Variants in RIPK4 observed in about 807,000 individuals in gnomAD.
The protein encoded by RIPK4 is receptor interacting serine/threonine kinase 4, also known as receptor-interacting serine/threonine-protein kinase 4.
In RIPK4, 17 loss-of-function variants were observed where a neutral mutation model predicts 42.9. The observed-to-expected ratio is 0.40, with a 90% CI of 0.27 to 0.59. RIPK4 has a LOEUF of 0.59. RIPK4 is among the 20% of genes least tolerant of loss of function. The pLI is 0.47. For synonymous variants in RIPK4, 498 were observed against 499.1 expected (o/e 1.00, Z 0.03); for missense variants, 897 against 1,104.4 (o/e 0.81, Z 2.66).
At chr21:41,743,160 G>T (rs1264751747) in intron 7 of RIPK4, among the ~76,000 whole-genome samples, 3 of 151,944 alleles carry the variant, frequency 2.0e-5, no homozygotes, top group Non-Finnish European at 4.4e-5. Context: ...CTGTAGCCCT[G>T]AGTGTAAATC....
rs564144682 is a variant in RIPK4 at position 41,755,807 on chromosome 21, G to C, written c.474+718C>G. Among the ~76,000 whole-genome samples the C allele has an allele frequency of 6.6e-6, 1 of 152,204 alleles. No homozygotes were observed. The highest frequency in any genetic ancestry group is 2.4e-5 in the African/African-American group (1 of 41,442). On this transcript the variant is annotated intron_variant, in intron 2 of 7. Coordinates refer to ENST00000332512, the MANE Select transcript of RIPK4 (RefSeq NM_020639.3). The surrounding 1 kb of genome is among the most constrained non-coding windows in gnomAD (Gnocchi z 4.2). ...TCAACGACAGTACAACCCTAGCCAC[G>C]AAGGCCATCAAAGGAGATACAAGGA... is the stretch of plus-strand genomic sequence containing the variant.
Position 41,741,886 on chromosome 21 carries a change from T to C in RIPK4, c.1307A>G (p.Asp436Gly). 1 of 1,613,660 alleles carries C rather than the reference T, an allele frequency of 6.2e-7. No homozygotes were observed. The highest frequency in any genetic ancestry group is 1.1e-5 in the South Asian group (1 of 91,080). Residue 436 changes from aspartate to glycine, a missense_variant, in exon 8 of 8, where the codon GAC (aspartate) becomes GGC (glycine). By Grantham distance (94) the Asp-to-Gly change is moderately conservative. Coordinates refer to ENST00000332512, the MANE Select transcript of RIPK4 (RefSeq NM_020639.3). Reference sequence around the variant, plus strand: ...CAGGTGCAGCAGGCTGGCACCGCTGTCCAGTGCCAGGTCCACGTCCTGCGG... The same window carrying C: ...CAGGTGCAGCAGGCTGGCACCGCTGCCCAGTGCCAGGTCCACGTCCTGCGG... ...LQPQDVDLAL[D>G]SGASLLHLAV...
chr21:41,745,965 C>T (rs567526579), intron 5 of RIPK4, 103 bp from the exon 6 acceptor site: 16 of 980,942 alleles, frequency 1.6e-5, no homozygotes, highest in South Asian at 3.9e-5. Context: ...ATTTCTCACA[C>T]GCCTCGGCCC....
intron 4 of RIPK4, 32 bp downstream of exon 4, chr21:41,749,122 G>A: frequency 6.2e-7 from 1 of 1,610,836 alleles, no homozygotes; most frequent in East Asian, 2.2e-5. Context: ...GGAAAGACAA[G>A]CACATTACAC....
chr21:41,740,979 C>A lies in RIPK4; in HGVS notation c.2214G>T (p.Ala738=). Reference sequence around the variant, plus strand: ...GCCGGCCCTGGGCGGCCAGGTGCAGCGCGCTGAGCCCCTGCTCGTCGAACA... The same window carrying A: ...GCCGGCCCTGGGCGGCCAGGTGCAGAGCGCTGAGCCCCTGCTCGTCGAACA... ...IDLFDEQGLS[A]LHLAAQGRHA... The change falls in exon 8 of 8, where the codon GCG becomes GCT. Residue 738 remains alanine, a synonymous_variant. Transcript: ENST00000332512. 1 of 1,610,928 alleles carries A rather than the reference C, an allele frequency of 6.2e-7. No individual in the cohort carries two copies. Among genetic ancestry groups the A allele is most frequent in the African/African-American group, 1.3e-5 (1 of 74,826 alleles).
intron 3 of RIPK4, 52 bp from the exon 4 acceptor site, chr21:41,749,255 A>G (rs2146051143): frequency 6.3e-7 from 1 of 1,585,784 alleles, no homozygotes; most frequent in Non-Finnish European, 8.7e-7. Context: ...ACTCAAAGCC[A>G]AATGCACTCA....
chr21:41,746,608 C>T lies in RIPK4; in HGVS notation c.832+5G>A, dbSNP rs745345054. ...AATGTGGCGGGGAGACCCCGGGGTG[C>T]TCACCTTGGAAGGTGGGCCTAACTC... On this transcript the variant is annotated splice_donor_5th_base_variant and intron_variant, in intron 5 of 7. Transcript: ENST00000332512. 5 of 1,607,176 alleles carry T rather than the reference C, an allele frequency of 3.1e-6. No individual in the cohort carries two copies. Among genetic ancestry groups the T allele is most frequent in the Non-Finnish European group, 4.2e-6 (5 of 1,178,912 alleles).
At chr21:41,753,526 G>A (rs573550647) in intron 2 of RIPK4, among the ~76,000 whole-genome samples, 28 of 152,162 alleles carry the variant, frequency 1.8e-4, no homozygotes, top group Non-Finnish European at 2.4e-4. Flanking sequence ...ACTCCTGGCC[G>A]GCTGCATTTC....
chr21:41,740,773 C>T lies in RIPK4; in HGVS notation c.*65G>A. 5 of 1,472,872 alleles carry T rather than the reference C, an allele frequency of 3.4e-6. No individual in the cohort carries two copies. The highest frequency in any genetic ancestry group is 4.5e-6 in the Non-Finnish European group (5 of 1,102,892). The allele number at this position is 1,472,872 out of a possible 1,614,324, so 91.2% of individuals were successfully genotyped here. On this transcript the variant is annotated 3_prime_UTR_variant, in exon 8 of 8. Coordinates refer to ENST00000332512, the MANE Select transcript of RIPK4 (RefSeq NM_020639.3). ...AGGGCCCCACGCAGGATCGTTCCATCCCCACGAGGAACACAGGACAGGACA... is the reference window on the plus strand; with the variant it reads ...AGGGCCCCACGCAGGATCGTTCCATTCCCACGAGGAACACAGGACAGGACA...
chr21:41,748,529 C>CG (rs1257702747), intron 4 of RIPK4, among the ~76,000 whole-genome samples: 1 of 152,360 alleles, frequency 6.6e-6, no homozygotes, highest in African/African-American at 2.4e-5. Flanking sequence ...GGCAGGGGTG[C>CG]CACTCCTGCA....
At position 41,742,552 on chromosome 21, in the gene RIPK4, T is replaced by C. The variant is rs887872833; in HGVS notation, c.1196-555A>G. On this transcript the variant is annotated intron_variant, in intron 7 of 7. Transcript: ENST00000332512. This position sits in a 1 kb window ranked among gnomAD's most constrained non-coding sequence, Gnocchi z 5.1. ...TCCTGAAGGGACCGAGCTTCTCGTT[T>C]CAGGAGGACGTTAGTCCAGCACTCA... Among the ~76,000 whole-genome samples, 14 of 152,184 alleles carry C rather than the reference T, an allele frequency of 9.2e-5. No individual in the cohort carries two copies. Among genetic ancestry groups the C allele is most frequent in the Non-Finnish European group, 1.9e-4 (13 of 68,030 alleles).
In RIPK4 at chr21:41,742,040, T is replaced by C. The variant is rs3746895; in HGVS notation, c.1196-43A>G. 739,306 of 1,510,766 alleles carry C rather than the reference T, an allele frequency of 0.49. 183,232 individuals are homozygous for C. The highest frequency in any genetic ancestry group is 0.67 in the East Asian group (29,376 of 43,950). The allele number at this position is 1,510,766 out of a possible 1,614,324, so 93.6% of individuals were successfully genotyped here. A position where few individuals can be genotyped will look rare whatever the true frequency, so the allele number is the denominator to read the frequency against. ...GCAAAGGTCAGAGCGTGGCTGCACA[T>C]CCAGGGACGTGGCGTCTCTGGGAGC... On this transcript the variant is annotated intron_variant, in intron 7 of 7. Coordinates refer to ENST00000332512, the MANE Select transcript of RIPK4 (RefSeq NM_020639.3). This position sits in a 1 kb window ranked among gnomAD's most constrained non-coding sequence, Gnocchi z 5.1.
chr21:41,765,713 T>C (rs2061234130), intron 1 of RIPK4, among the ~76,000 whole-genome samples: 4 of 152,236 alleles, frequency 2.6e-5, no homozygotes, highest in African/African-American at 9.7e-5. Context: ...AATGGTATTT[T>C]AAAAAGGTGT....
intron 4 of RIPK4, 184 bp from the exon 5 acceptor site, chr21:41,746,955 C>T (rs2061173930): frequency 6.4e-6 from 4 of 628,376 alleles, no homozygotes; most frequent in African/African-American, 1.9e-5. Context: ...TCATGGTGCG[C>T]CATGCTCTCT....
intron 1 of RIPK4, among the ~76,000 whole-genome samples, chr21:41,758,247 C>T (rs1204263296): frequency 6.6e-6 from 1 of 151,924 alleles, no homozygotes; most frequent in Admixed American, 6.6e-5. Flanking sequence ...CCAATAACTC[C>T]TTCCCTCATC....
At chr21:41,746,239 CT>C in intron 5 of RIPK4, 1 of 596,586 alleles carries the variant, frequency 1.7e-6, no homozygotes, top group South Asian at 1.7e-5. Flanking sequence ...AGAGACACAT[CT>C]GTCCCAGGAA....
rs556909721 is a variant in RIPK4, at chr21:41,741,045, C to T, written c.2148G>A (p.Ser716=). ...ALHLAAAHGH[S]EVVEELVSAD... is the part of the protein sequence containing the mutation. ...CGCTGACCAACTCCTCCACCACCTC[C>T]GAGTGCCCGTGGGCGGCAGCCAGGT... The change falls in exon 8 of 8, where the codon TCG becomes TCA. Residue 716 remains serine, a synonymous_variant. Transcript: ENST00000332512. 5.6e-6 allele frequency: 9 copies of T among 1,609,784 alleles called. No individual in the cohort carries two copies. Among genetic ancestry groups the T allele is most frequent in the South Asian group, 4.4e-5 (4 of 90,970 alleles).
intron 1 of RIPK4, among the ~76,000 whole-genome samples, 168 bp downstream of exon 1, chr21:41,766,692 G>T (rs775754246): frequency 1.3e-5 from 2 of 152,122 alleles, no homozygotes; most frequent in Non-Finnish European, 2.9e-5. Context: ...CGGACAGGCC[G>T]AGTGGACATT....
intron 6 of RIPK4, among the ~76,000 whole-genome samples, chr21:41,744,883 T>G (rs1485426546): frequency 6.6e-6 from 1 of 152,198 alleles, no homozygotes; most frequent in Non-Finnish European, 1.5e-5. Flanking sequence ...GAGTCTCGCT[T>G]CATGGACTGC....
Sources: gnomAD v4.1 joint callset for allele counts (sites outside exome capture counted in the v4.1 genomes callset) on GRCh38, gnomAD v4.1.1 for gene constraint, Gnocchi (gnomAD v3.1) non-coding constraint, MANE v1.5 for transcripts, NCBI Gene and HGNC (gene_info 2026-07-23, HGNC 2026-07-21) for gene names.